Variants in TTC27 observed in about 807,000 individuals in gnomAD.
TTC27 encodes tetratricopeptide repeat domain 27, also known as tetratricopeptide repeat protein 27.
In TTC27, 79 loss-of-function variants were observed where a neutral mutation model predicts 115.9. The observed-to-expected ratio is 0.68, with a 90% CI of 0.57 to 0.82. The LOEUF is 0.82. Among genes scored for constraint, TTC27 ranks in the 40% least tolerant of loss-of-function variants. TTC27 has a pLI of 0.00. For synonymous variants in TTC27, 401 were observed against 356.0 expected (o/e 1.13, Z -1.42); for missense variants, 1,054 against 993.1 (o/e 1.06, Z -0.82).
intron 10 of TTC27, among the ~76,000 whole-genome samples, chr2:32,710,077 A>G (rs942971527): frequency 2.0e-5 from 3 of 152,104 alleles, no homozygotes; most frequent in Non-Finnish European, 4.4e-5. Context: ...GTGCGGTGGC[A>G]TGATCTCGGC....
chr2:32,713,230 T>A (rs1039998497), intron 10 of TTC27, among the ~76,000 whole-genome samples: 8 of 152,154 alleles, frequency 5.3e-5, no homozygotes, highest in Non-Finnish European at 1.2e-4. Context: ...CCTAATATTC[T>A]ATTACAGCAA....
intron 16 of TTC27, among the ~76,000 whole-genome samples, chr2:32,808,258 G>A (rs1056033709): frequency 3.3e-5 from 5 of 152,062 alleles, no homozygotes; most frequent in Non-Finnish European, 7.4e-5. Context: ...CTTAAATGTT[G>A]TGTTCTTTAA....
intron 10 of TTC27, among the ~76,000 whole-genome samples, chr2:32,708,678 T>TTGGTTG (rs1667469944): frequency 6.6e-6 from 1 of 150,600 alleles, no homozygotes. Context: ...CCCACCTTAC[T>TTGGTTG]TTGTTGTTGT....
chr2:32,631,322 A>G (rs142872218), intron 2 of TTC27, among the ~76,000 whole-genome samples: 14 of 152,238 alleles, frequency 9.2e-5, no homozygotes, highest in Non-Finnish European at 1.8e-4. Context: ...CCAAAAAACA[A>G]AAAACATACT....
At chr2:32,676,169 T>C (rs1666196379) in intron 8 of TTC27, among the ~76,000 whole-genome samples, 1 of 152,022 alleles carries the variant, frequency 6.6e-6, no homozygotes, top group Non-Finnish European at 1.5e-5. Context: ...AGACTCTTGC[T>C]GTTCACTGGC....
At chr2:32,787,810 A>C (rs916951826) in intron 16 of TTC27, among the ~76,000 whole-genome samples, 1 of 151,990 alleles carries the variant, frequency 6.6e-6, no homozygotes, top group Non-Finnish European at 1.5e-5. Flanking sequence ...CTCTGTCTCT[A>C]AATAAATAAA....
chr2:32,706,249 A>G (rs1667365029), intron 10 of TTC27, among the ~76,000 whole-genome samples: 1 of 149,646 alleles, frequency 6.7e-6, no homozygotes, highest in Admixed American at 6.7e-5. Context: ...TGCCTTGCTA[A>G]TTTTTGTATT....
intron 10 of TTC27, among the ~76,000 whole-genome samples, chr2:32,725,148 C>T (rs1170317619): frequency 6.6e-6 from 1 of 152,164 alleles, no homozygotes; most frequent in East Asian, 1.9e-4. Context: ...TGAGTGGGGA[C>T]ACAGACAAAC....
intron 13 of TTC27, among the ~76,000 whole-genome samples, chr2:32,771,406 C>T (rs1409667137): frequency 6.6e-6 from 1 of 152,116 alleles, no homozygotes; most frequent in African/African-American, 2.4e-5. Flanking sequence ...ATGCAGATGA[C>T]ATATAAACAC....
At chr2:32,686,137 C>T (rs1419755908) in intron 9 of TTC27, among the ~76,000 whole-genome samples, 1 of 152,114 alleles carries the variant, frequency 6.6e-6, no homozygotes, top group Non-Finnish European at 1.5e-5. Context: ...AAATGCAAGA[C>T]CTCTATGCTG....
chr2:32,777,278 G>T (rs1670026578), intron 13 of TTC27, among the ~76,000 whole-genome samples: 1 of 152,206 alleles, frequency 6.6e-6, no homozygotes, highest in Non-Finnish European at 1.5e-5. Flanking sequence ...CTGATACTTT[G>T]TATATGGTGG....
chr2:32,636,905 A>C (rs1664449929), intron 3 of TTC27, among the ~76,000 whole-genome samples: 1 of 152,194 alleles, frequency 6.6e-6, no homozygotes, highest in South Asian at 2.1e-4. Flanking sequence ...TCATATGAGC[A>C]GGAATTTAGA....
At chr2:32,711,579 G>A (rs1667583151) in intron 10 of TTC27, among the ~76,000 whole-genome samples, 1 of 152,084 alleles carries the variant, frequency 6.6e-6, no homozygotes, top group South Asian at 2.1e-4. Context: ...TTTTTTAATT[G>A]TTTTAGTTTC....
chr2:32,713,630 A>G (rs564609996), intron 10 of TTC27, among the ~76,000 whole-genome samples: 78 of 152,326 alleles, frequency 5.1e-4, no homozygotes, highest in African/African-American at 1.7e-3. Flanking sequence ...AGGACATTGC[A>G]TTGAATTGGA....
chr2:32,630,604 A>G lies in TTC27; in HGVS notation c.170A>G (p.Asn57Ser). 2 of 1,613,830 alleles carry G rather than the reference A, an allele frequency of 1.2e-6. No homozygotes were observed. The highest frequency in any genetic ancestry group is 1.7e-6 in the Non-Finnish European group (2 of 1,179,860). Residue 57 changes from asparagine (N) to serine (S), a missense_variant, in exon 2 of 20, where the codon AAT becomes AGT. Coordinates refer to ENST00000317907, the MANE Select transcript of TTC27 (RefSeq NM_017735.5). Reference sequence around the variant, plus strand: ...AATTCAATGACTCAAAATATTTTTAATTCAACAACAACCGCTGAAGAAAAG... The same window carrying G: ...AATTCAATGACTCAAAATATTTTTAGTTCAACAACAACCGCTGAAGAAAAG... The part of the protein sequence containing the change: ...FLNSMTQNIF[N>S]STTTAEEKID...
chr2:32,677,376 C>G (rs1015427425), intron 8 of TTC27, among the ~76,000 whole-genome samples: 1 of 151,800 alleles, frequency 6.6e-6, no homozygotes, highest in Non-Finnish European at 1.5e-5. Context: ...TCAAGAATTC[C>G]TCTGGTCTCT....
At chr2:32,792,225 G>A (rs1401878769) in intron 16 of TTC27, among the ~76,000 whole-genome samples, 1 of 152,138 alleles carries the variant, frequency 6.6e-6, no homozygotes, top group Non-Finnish European at 1.5e-5. Flanking sequence ...GGGGCAAGTT[G>A]CCAATGAAAT....
chr2:32,677,223 A>G (rs1241754348), intron 8 of TTC27, among the ~76,000 whole-genome samples: 1 of 152,088 alleles, frequency 6.6e-6, no homozygotes, highest in East Asian at 1.9e-4. Flanking sequence ...TGTAGCTGCA[A>G]TTTACTTTGC....
intron 10 of TTC27, among the ~76,000 whole-genome samples, chr2:32,721,171 G>T (rs1032186719): frequency 6.6e-6 from 1 of 152,122 alleles, no homozygotes. Flanking sequence ...TAAATGTAAG[G>T]TTCTTGTAAT....
Sources: gnomAD v4.1 joint callset for allele counts (sites outside exome capture counted in the v4.1 genomes callset) on GRCh38, gnomAD v4.1.1 for gene constraint, MANE v1.5 for transcripts, NCBI Gene and HGNC (gene_info 2026-07-23, HGNC 2026-07-21) for gene names.